Variants in PDE4D observed in about 807,000 individuals in gnomAD.
The protein encoded by PDE4D is 3',5'-cyclic-AMP phosphodiesterase 4D.
Under a neutral mutation model 87.4 loss-of-function variants are expected in PDE4D, and 24 were observed. The ratio of observed to expected loss-of-function variants is 0.27; its 90% CI spans 0.20 to 0.39. The LOEUF (loss-of-function observed/expected upper bound fraction) is 0.39, where lower values mean the gene tolerates loss of function less well. PDE4D is among the 10% of genes least tolerant of loss of function. The pLI, the probability that PDE4D is intolerant of heterozygous loss-of-function variation, is 1.00. For synonymous variants in PDE4D, 384 were observed against 383.2 expected (o/e 1.00, Z -0.02); for missense variants, 714 against 1,041.0 (o/e 0.69, Z 4.32).
At chr5:60,003,503 A>G (rs1285362730) in intron 2 of PDE4D, among the ~76,000 whole-genome samples, 2 of 152,080 alleles carry the variant, frequency 1.3e-5, no homozygotes, top group African/African-American at 4.8e-5. Flanking sequence ...TGAGGTCAGG[A>G]GTTCAAGACC....
chr5:59,031,392 T>TATATATA (rs1431074293), intron 6 of PDE4D, among the ~76,000 whole-genome samples: 1 of 34,284 alleles, frequency 2.9e-5, no homozygotes, highest in South Asian at 9.8e-4. Context: ...TATATATATA[T>TATATATA]TATATATATA....
At chr5:59,822,151 A>G (rs960139498) in intron 1 of PDE4D, among the ~76,000 whole-genome samples, 5 of 152,218 alleles carry the variant, frequency 3.3e-5, no homozygotes, top group African/African-American at 1.2e-4. Context: ...ATATGATATA[A>G]TATGGATTTT....
chr5:59,947,040 A>G (rs1274396521), intron 3 of PDE4D, among the ~76,000 whole-genome samples: 1 of 152,240 alleles, frequency 6.6e-6, no homozygotes, highest in Non-Finnish European at 1.5e-5. Flanking sequence ...ATTCTCAAAC[A>G]AAATGTCAGG....
intron 1 of PDE4D, among the ~76,000 whole-genome samples, chr5:60,465,873 A>G (rs1247220563): frequency 6.6e-6 from 1 of 151,292 alleles, no homozygotes; most frequent in Non-Finnish European, 1.5e-5. Flanking sequence ...TAAATGCTGC[A>G]GTGAAAGTGA....
At chr5:59,938,134 C>T (rs1017253062) in intron 3 of PDE4D, among the ~76,000 whole-genome samples, 4 of 152,324 alleles carry the variant, frequency 2.6e-5, no homozygotes, top group Middle Eastern at 3.4e-3. Flanking sequence ...GTATTGACTA[C>T]GTGCTATTAG....
At chr5:59,357,444 C>T (rs570492428) in intron 1 of PDE4D, among the ~76,000 whole-genome samples, 24 of 152,086 alleles carry the variant, frequency 1.6e-4, no homozygotes, top group Non-Finnish European at 3.1e-4. Context: ...AGGATGTAAA[C>T]AGGATTTACT....
At chr5:60,505,697 A>G (rs541152313) in intron 1 of PDE4D, among the ~76,000 whole-genome samples, 1 of 152,342 alleles carries the variant, frequency 6.6e-6, no homozygotes, top group South Asian at 2.1e-4. Flanking sequence ...AATTACAAAT[A>G]CCTACTTTAC....
At chr5:59,181,425 A>G (rs1374749114) in intron 4 of PDE4D, among the ~76,000 whole-genome samples, 1 of 151,598 alleles carries the variant, frequency 6.6e-6, no homozygotes, top group East Asian at 1.9e-4. Flanking sequence ...AAAGAATATC[A>G]TTTATAAAGT....
chr5:60,127,539 T>C, intron 2 of PDE4D: 1 of 454,050 alleles, frequency 2.2e-6, no homozygotes, highest in African/African-American at 2.0e-5. Context: ...ATGCAGCGCA[T>C]AACTGGAAGG....
At chr5:59,019,612 T>C (rs1754694964) in intron 6 of PDE4D, among the ~76,000 whole-genome samples, 1 of 152,082 alleles carries the variant, frequency 6.6e-6, no homozygotes, top group African/African-American at 2.4e-5. Context: ...TCCACATGAA[T>C]ACCCCATCCT....
intron 1 of PDE4D, among the ~76,000 whole-genome samples, chr5:60,187,888 T>C (rs994902227): frequency 6.6e-6 from 1 of 152,044 alleles, no homozygotes; most frequent in African/African-American, 2.4e-5. Context: ...TCTGAACTTT[T>C]TCCAGATCTA....
intron 3 of PDE4D, among the ~76,000 whole-genome samples, chr5:59,934,094 C>T (rs1756294687): frequency 6.6e-6 from 1 of 152,114 alleles, no homozygotes; most frequent in African/African-American, 2.4e-5. Flanking sequence ...AACGATTCTC[C>T]TGCCCCAGCC....
chr5:59,125,907 G>C (rs138913790), intron 5 of PDE4D, among the ~76,000 whole-genome samples: 3 of 152,040 alleles, frequency 2.0e-5, no homozygotes, highest in African/African-American at 7.2e-5. Flanking sequence ...GGGATGGAGC[G>C]GGGGAGGGGG....
intron 1 of PDE4D, among the ~76,000 whole-genome samples, chr5:59,548,953 G>A (rs971947829): frequency 6.6e-6 from 1 of 152,044 alleles, no homozygotes; most frequent in Non-Finnish European, 1.5e-5. Flanking sequence ...AGGAGTTAGG[G>A]GTGGCTGTAG....
chr5:60,505,010 ATG>A (rs1750261691), intron 1 of PDE4D, among the ~76,000 whole-genome samples: 1 of 152,250 alleles, frequency 6.6e-6, no homozygotes, highest in South Asian at 2.1e-4. Context: ...TCTAAATAGA[ATG>A]AACATAAATC....
At chr5:59,347,838 T>C (rs565905687) in intron 1 of PDE4D, among the ~76,000 whole-genome samples, 3 of 152,280 alleles carry the variant, frequency 2.0e-5, no homozygotes, top group African/African-American at 7.2e-5. Flanking sequence ...TATGGTTCCA[T>C]TGACCTTGTG....
chr5:59,285,212 TAA>T (rs35238877), intron 1 of PDE4D, among the ~76,000 whole-genome samples: 3 of 134,578 alleles, frequency 2.2e-5, no homozygotes, highest in Non-Finnish European at 1.6e-5. Flanking sequence ...TAAAGTATAA[TAA>T]AAAAAAAAAA....
At chr5:59,662,424 G>T (rs1745406726) in intron 1 of PDE4D, among the ~76,000 whole-genome samples, 1 of 152,128 alleles carries the variant, frequency 6.6e-6, no homozygotes, top group African/African-American at 2.4e-5. Context: ...AACCTTATTT[G>T]CACTGACCCT....
intron 1 of PDE4D, among the ~76,000 whole-genome samples, chr5:59,477,351 AAT>A (rs1491102835): frequency 1.3e-4 from 15 of 113,038 alleles, no homozygotes; most frequent in Admixed American, 3.5e-4. Context: ...CTTAGAGTAT[AAT>A]AAAAAAAAAA....
Sources: allele counts gnomAD v4.1 joint callset (sites outside exome capture counted in the v4.1 genomes callset), GRCh38; gene constraint gnomAD v4.1.1; transcripts MANE v1.5; gene names NCBI Gene and HGNC (gene_info 2026-07-23, HGNC 2026-07-21).